Variants in DPF3 observed in about 807,000 individuals in gnomAD.
DPF3 encodes zinc finger protein DPF3.
In DPF3, 18 loss-of-function variants were observed where a neutral mutation model predicts 56.8. The ratio of observed to expected loss-of-function variants is 0.32; its 90% CI spans 0.22 to 0.47. The LOEUF (loss-of-function observed/expected upper bound fraction) is 0.47. Ranked by LOEUF, DPF3 falls within the 20% of genes least tolerant of loss-of-function variation. DPF3 has a pLI of 1.00. For missense variants in DPF3, 403 were observed against 488.8 expected, an observed-to-expected ratio of 0.82 and a Z score of 1.65; for synonymous variants, 188 against 180.2, an observed-to-expected ratio of 1.04 and a Z score of -0.35.
intron 8 of DPF3, chr14:72,670,976 G>A: frequency 1.7e-6 from 1 of 591,192 alleles, no homozygotes; most frequent in Non-Finnish European, 2.8e-6. Context: ...GAGGGGTGGG[G>A]GGAGGGATGG....
intron 6 of DPF3, among the ~76,000 whole-genome samples, chr14:72,694,116 G>A (rs114240424): frequency 8.9e-4 from 136 of 152,364 alleles, no homozygotes; most frequent in African/African-American, 3.1e-3. Flanking sequence ...TAGATGCTCA[G>A]TTCCTGGGAA....
intron 1 of DPF3, among the ~76,000 whole-genome samples, chr14:72,808,271 T>C (rs1882879928): frequency 6.6e-6 from 1 of 152,148 alleles, no homozygotes; most frequent in Non-Finnish European, 1.5e-5. Flanking sequence ...ATTAATAACT[T>C]TAATTTTTCA....
At chr14:72,621,323 T>C (rs1884429568) in intron 9 of DPF3, among the ~76,000 whole-genome samples, 1 of 152,122 alleles carries the variant, frequency 6.6e-6, no homozygotes, top group East Asian at 1.9e-4. Context: ...GCTCGGAAAC[T>C]GTTTGTGATC....
At chr14:72,700,428 G>A (rs1888108164) in intron 6 of DPF3, among the ~76,000 whole-genome samples, 1 of 152,188 alleles carries the variant, frequency 6.6e-6, no homozygotes, top group African/African-American at 2.4e-5. Flanking sequence ...GAAGTCTGTT[G>A]GGTTCAGAGT....
intron 9 of DPF3, among the ~76,000 whole-genome samples, chr14:72,623,807 T>C (rs1378166929): frequency 6.6e-6 from 1 of 152,222 alleles, no homozygotes; most frequent in Non-Finnish European, 1.5e-5. Flanking sequence ...TTAGCACCTC[T>C]AGCACCCATA....
At chr14:72,760,022 G>A (rs1891001049) in intron 2 of DPF3, among the ~76,000 whole-genome samples, 2 of 152,208 alleles carry the variant, frequency 1.3e-5, no homozygotes, top group South Asian at 4.2e-4. Flanking sequence ...ATGTTAAAAA[G>A]AAGTACTTTA....
At chr14:72,739,700 T>C (rs1049309064) in intron 3 of DPF3, among the ~76,000 whole-genome samples, 6 of 152,238 alleles carry the variant, frequency 3.9e-5, no homozygotes, top group Middle Eastern at 3.4e-3. Flanking sequence ...CTGCTCCAAG[T>C]CCAGGGTGGC....
intron 1 of DPF3, among the ~76,000 whole-genome samples, chr14:72,889,971 G>A (rs894848639): frequency 1.3e-5 from 2 of 152,076 alleles, no homozygotes; most frequent in African/African-American, 2.4e-5. Flanking sequence ...AAGCCCTGTT[G>A]GTTCATATGG....
At chr14:72,824,685 C>T (rs1283956058) in intron 1 of DPF3, among the ~76,000 whole-genome samples, 2 of 151,800 alleles carry the variant, frequency 1.3e-5, no homozygotes, top group African/African-American at 4.8e-5. Context: ...CCCTGCTCCT[C>T]CTCAGTCTCC....
intron 8 of DPF3, among the ~76,000 whole-genome samples, chr14:72,645,181 C>G (rs1414430896): frequency 6.6e-6 from 1 of 152,180 alleles, no homozygotes; most frequent in Non-Finnish European, 1.5e-5. Flanking sequence ...GGCAGAAACT[C>G]TATCACAACA....
chr14:72,884,739 A>T (rs534375059), intron 1 of DPF3, among the ~76,000 whole-genome samples: 2 of 151,252 alleles, frequency 1.3e-5, no homozygotes, highest in African/African-American at 4.8e-5. Flanking sequence ...TGCTAGTGCT[A>T]CAGCCCCTGG....
chr14:72,874,575 T>C (rs913843048), intron 1 of DPF3, among the ~76,000 whole-genome samples: 3 of 152,152 alleles, frequency 2.0e-5, no homozygotes, highest in Admixed American at 6.5e-5. Context: ...GGGGAGTCTC[T>C]AGGGGAGGGG....
In DPF3 at chr14:72,612,411, A is replaced by G; in HGVS notation, c.*6886T>C. 1.9e-6 allele frequency: 1 copy of G among 513,030 alleles called. No individual in the cohort carries two copies. Among genetic ancestry groups the G allele is most frequent in the Non-Finnish European group, 3.9e-6 (1 of 256,924 alleles). 31.8% of individuals were successfully genotyped at this position (513,030 alleles called of 1,614,324 possible). ...TATATTTTCATGCTCTTGCTCACAT[A>G]TCAGGCAGTGTTTCTGTCCTTTTTT... On this transcript the variant is annotated 3_prime_UTR_variant, in exon 11 of 11. Coordinates refer to ENST00000556509, the MANE Select transcript of DPF3 (RefSeq NM_001280542.3).
At position 72,760,284 on chromosome 14, in the gene DPF3, G is replaced by A. The variant is rs139722452; in HGVS notation, c.194-6913C>T. ...TCGGGAGTTCGAGAACCGCCTGACC[G>A]ACATGGAGAAACCCCATCTCGACTA... On this transcript the variant is annotated intron_variant, in intron 2 of 10. Transcript: ENST00000556509. 1.5e-3 allele frequency among the ~76,000 whole-genome samples: 222 copies of A among 152,220 alleles called. 2 individuals are homozygous for A. The highest frequency in any genetic ancestry group is 0.01 in the East Asian group (54 of 5,176).
intron 1 of DPF3, chr14:72,892,532 G>C: frequency 7.2e-7 from 1 of 1,389,678 alleles, no homozygotes; most frequent in Non-Finnish European, 9.3e-7. Flanking sequence ...TGGGCGACGA[G>C]CTGGCGCAAA....
chr14:72,755,759 G>T lies in DPF3; in HGVS notation c.194-2388C>A, dbSNP rs145343099. 1.1e-4 allele frequency among the ~76,000 whole-genome samples: 17 copies of T among 152,248 alleles called. No homozygotes were observed. In the East Asian group the frequency reaches 3.3e-3, roughly 29 times the overall value. On this transcript the variant is annotated intron_variant, in intron 2 of 10. Coordinates refer to ENST00000556509, the MANE Select transcript of DPF3 (RefSeq NM_001280542.3). ...TGAAGGTGGAAACAGGCTTCTTTTT[G>T]ATGTCTGCTTTGAATCCACCTCATC...
At chr14:72,640,639 T>TA (rs1339661916) in intron 8 of DPF3, among the ~76,000 whole-genome samples, 14 of 152,020 alleles carry the variant, frequency 9.2e-5, no homozygotes, top group Non-Finnish European at 1.8e-4. Flanking sequence ...GAGGCAGAAG[T>TA]AAAAAATGGC....
At chr14:72,695,794 G>C (rs1400514098) in intron 6 of DPF3, among the ~76,000 whole-genome samples, 1 of 151,806 alleles carries the variant, frequency 6.6e-6, no homozygotes, top group Non-Finnish European at 1.5e-5. Context: ...CCAAACCTTA[G>C]CATTATGTAA....
chr14:72,654,012 G>A (rs1212096480), intron 8 of DPF3, among the ~76,000 whole-genome samples: 1 of 152,164 alleles, frequency 6.6e-6, no homozygotes, highest in African/African-American at 2.4e-5. Context: ...GGTGGTGAAA[G>A]GTAGACAAAC....
Sources: gnomAD v4.1 joint callset for allele counts (sites outside exome capture counted in the v4.1 genomes callset) on GRCh38, gnomAD v4.1.1 for gene constraint, MANE v1.5 for transcripts, NCBI Gene and HGNC (gene_info 2026-07-23, HGNC 2026-07-21) for gene names.